ADGRL2: variants seen among roughly 807,000 people sequenced by gnomAD.
ADGRL2 encodes adhesion G protein-coupled receptor L2, also known as calcium-independent alpha-latrotoxin receptor 2.
A neutral mutation model predicts 157.4 loss-of-function variants in ADGRL2; 44 were observed. That is an observed-to-expected ratio of 0.28 (90% CI 0.22 to 0.36). ADGRL2 has a LOEUF of 0.36. ADGRL2 is among the 10% of genes least tolerant of loss of function. The pLI is 1.00. For synonymous variants in ADGRL2, 585 were observed against 624.7 expected (o/e 0.94, Z 0.95); for missense variants, 1,510 against 1,768.9 (o/e 0.85, Z 2.63).
chr1:81,754,673 C>T (rs1157582785), intron 1 of ADGRL2, among the ~76,000 whole-genome samples: 1 of 141,058 alleles, frequency 7.1e-6, no homozygotes, highest in Non-Finnish European at 1.5e-5. Flanking sequence ...TCCCTTCCTC[C>T]TTTCCTCCCT....
At chr1:81,455,303 C>T (rs1001787795) in intron 2 of ADGRL2, among the ~76,000 whole-genome samples, 1 of 152,084 alleles carries the variant, frequency 6.6e-6, no homozygotes, top group Admixed American at 6.6e-5. Flanking sequence ...GAAACTAGGA[C>T]GTCTTAGAAA....
intron 3 of ADGRL2, among the ~76,000 whole-genome samples, chr1:81,935,863 A>G (rs1332929716): frequency 6.6e-6 from 1 of 151,948 alleles, no homozygotes; most frequent in Non-Finnish European, 1.5e-5. Flanking sequence ...ATTCTAACCT[A>G]TTTCTAATAT....
chr1:81,590,182 T>G (rs775057784), intron 3 of ADGRL2, among the ~76,000 whole-genome samples: 4 of 152,178 alleles, frequency 2.6e-5, no homozygotes, highest in Non-Finnish European at 4.4e-5. Flanking sequence ...AGCATCTCCG[T>G]CAGTCAATAG....
At chr1:81,816,290 C>A (rs1000281284) in intron 1 of ADGRL2, among the ~76,000 whole-genome samples, 1 of 151,680 alleles carries the variant, frequency 6.6e-6, no homozygotes, top group East Asian at 1.9e-4. Context: ...TCACCATAAA[C>A]TCTTATGTAT....
chr1:81,987,096 T>C, intron 22 of ADGRL2, 67 bp downstream of exon 22: 1 of 1,538,544 alleles, frequency 6.5e-7, no homozygotes, highest in Non-Finnish European at 8.8e-7. Flanking sequence ...CTTTGCCCTG[T>C]TTCTAAAATA....
intron 2 of ADGRL2, among the ~76,000 whole-genome samples, chr1:81,853,076 T>C (rs980496513): frequency 1.3e-5 from 2 of 152,094 alleles, no homozygotes; most frequent in Admixed American, 1.3e-4. Flanking sequence ...TATGTCAGCA[T>C]TTTGACACTG....
intron 3 of ADGRL2, among the ~76,000 whole-genome samples, chr1:81,663,954 T>C (rs2082707762): frequency 6.6e-6 from 1 of 152,174 alleles, no homozygotes; most frequent in Non-Finnish European, 1.5e-5. Context: ...ATATCCGTTT[T>C]TGCTTGACGT....
intron 2 of ADGRL2, among the ~76,000 whole-genome samples, chr1:81,485,666 C>T (rs1260871918): frequency 2.6e-5 from 4 of 152,122 alleles, no homozygotes; most frequent in African/African-American, 4.8e-5. Flanking sequence ...AGGGTGCACA[C>T]AGGTACCAAA....
chr1:81,343,087 C>CTTTTTTT lies in ADGRL2; in HGVS notation c.-302+36582_-302+36583insTTTTTTT, dbSNP rs764039251. On this transcript the variant is annotated intron_variant, in intron 1 of 24. Coordinates refer to the ADGRL2 transcript ENST00000370721. Reference sequence around the variant, plus strand: ...TTTTTCTTTTCTTTTTTTCTTTTTTCTTTTCTTTTTTTTTTTTTTGAGACA... The same window carrying CTTTTTTT: ...TTTTTCTTTTCTTTTTTTCTTTTTTCTTTTTTTTTTTCTTTTTTTTTTTTTTGAGACA... Among the ~76,000 whole-genome samples, 32 of 127,486 alleles carry CTTTTTTT rather than the reference C, an allele frequency of 2.5e-4. 1 individual carries two copies. The highest frequency in any genetic ancestry group is 6.2e-4 in the African/African-American group (21 of 34,078). The allele number at this position is 127,486 out of a possible 152,430, so 83.6% of individuals were successfully genotyped here.
At chr1:81,585,770 G>A (rs147980579) in intron 3 of ADGRL2, among the ~76,000 whole-genome samples, 127 of 152,074 alleles carry the variant, frequency 8.4e-4, no homozygotes, top group Middle Eastern at 3.4e-3. Context: ...CTTCAAGCAC[G>A]GTCTTTTAAT....
In ADGRL2 at chr1:81,943,576, A is replaced by G. The variant is rs764966685; in HGVS notation, c.1017A>G (p.Thr339=). The change falls in exon 6 of 24, where the codon ACA becomes ACG. Residue 339 remains threonine, a synonymous_variant. Transcript: ENST00000686636. The surrounding 1 kb of genome is among the most constrained non-coding windows in gnomAD (Gnocchi z 5.6). The stretch of plus-strand genomic sequence containing the variant: ...TTTATCAAGACAATGAAAGTGAAAC[A>G]GGCAAGAACTCAATTGATTACATTT... ...RSVYQDNESE[T]GKNSIDYIYN... The G allele has an allele frequency of 9.9e-6, 16 of 1,613,682 alleles. No homozygotes were observed. Among genetic ancestry groups the G allele is most frequent in the South Asian group, 2.2e-5 (2 of 91,088 alleles).
chr1:81,650,594 GAAAAAGA>G (rs2082400731), intron 3 of ADGRL2, among the ~76,000 whole-genome samples: 1 of 144,482 alleles, frequency 6.9e-6, no homozygotes, highest in Non-Finnish European at 1.5e-5. Flanking sequence ...AAAAAAAAAA[GAAAAAGA>G]AAAGAAAAGA....
At chr1:81,982,201 T>G (rs1293479303) in intron 19 of ADGRL2, among the ~76,000 whole-genome samples, 1 of 151,936 alleles carries the variant, frequency 6.6e-6, no homozygotes, top group Non-Finnish European at 1.5e-5. Flanking sequence ...AACTAGATAC[T>G]TAGGTTAAGA....
intron 2 of ADGRL2, among the ~76,000 whole-genome samples, chr1:81,869,867 T>C (rs1431070660): frequency 6.6e-6 from 1 of 152,090 alleles, no homozygotes; most frequent in Non-Finnish European, 1.5e-5. Context: ...TTCCTTTGTA[T>C]TCACTTAAGT....
chr1:81,968,187 C>A lies in ADGRL2; in HGVS notation c.2511C>A (p.His837Gln), dbSNP rs2149302597. 6.2e-7 allele frequency: 1 copy of A among 1,610,990 alleles called. No homozygotes were observed. Residue 837 changes from histidine to glutamine, a missense_variant, in exon 14 of 24, where the codon CAC becomes CAA. His to Gln is a conservative substitution (Grantham distance 24). Coordinates refer to ENST00000686636, the MANE Select transcript of ADGRL2 (RefSeq NM_001366006.2). ...HLTNFAILMA[H>Q]REIAYKDGVH... is the part of the protein sequence containing the mutation. ...CCAATTTTGCAATTCTCATGGCCCA[C>A]AGGGAAATTGCAGTAAGTATTTGCA...
chr1:81,421,848 GC>G (rs2077131284), intron 1 of ADGRL2, among the ~76,000 whole-genome samples: 1 of 152,086 alleles, frequency 6.6e-6, no homozygotes, highest in Non-Finnish European at 1.5e-5. Flanking sequence ...GGGTTTAATT[GC>G]ATAGATTATG....
chr1:81,651,925 A>G (rs114801097), intron 3 of ADGRL2, among the ~76,000 whole-genome samples: 7 of 152,110 alleles, frequency 4.6e-5, no homozygotes, highest in African/African-American at 7.2e-5. Flanking sequence ...GGGTCTCACT[A>G]TGTTGTCCTG....
intron 1 of ADGRL2, among the ~76,000 whole-genome samples, chr1:81,720,244 A>G (rs947863649): frequency 1.4e-5 from 2 of 143,534 alleles, no homozygotes; most frequent in African/African-American, 5.2e-5. Flanking sequence ...GTGCAGTGGC[A>G]TGATCTTAGC....
At chr1:81,592,558 T>C (rs1238935426) in intron 3 of ADGRL2, among the ~76,000 whole-genome samples, 4 of 152,182 alleles carry the variant, frequency 2.6e-5, no homozygotes, top group African/African-American at 9.6e-5. Flanking sequence ...TCTAGTGTCA[T>C]TCAACTTGAC....
Sources: gnomAD v4.1 joint callset for allele counts (sites outside exome capture counted in the v4.1 genomes callset) on GRCh38, gnomAD v4.1.1 for gene constraint, Gnocchi (gnomAD v3.1) non-coding constraint, MANE v1.5 for transcripts, NCBI Gene and HGNC (gene_info 2026-07-23, HGNC 2026-07-21) for gene names.